The following METTL15 variants were observed in gnomAD, a reference collection of about 807,000 sequenced individuals.
The protein encoded by METTL15 is methyltransferase 15, mitochondrial 12S rRNA N4-cytidine, also known as 12S rRNA N(4)-cytidine methyltransferase METTL15.
A neutral mutation model predicts 38.3 loss-of-function variants in METTL15; 34 were observed. That is an observed-to-expected ratio of 0.89 (90% CI 0.68 to 1.18). The LOEUF (loss-of-function observed/expected upper bound fraction) is 1.18. METTL15 is among the 50% of genes most tolerant of loss of function. The pLI is 0.00. For synonymous variants in METTL15, 162 were observed against 170.9 expected, an observed-to-expected ratio of 0.95 and a Z score of 0.41; for missense variants, 438 against 498.4, an observed-to-expected ratio of 0.88 and a Z score of 1.15.
At chr11:28,444,271 C>T (rs575259526) in intron 6 of METTL15, among the ~76,000 whole-genome samples, 1 of 152,264 alleles carries the variant, frequency 6.6e-6, no homozygotes, top group East Asian at 1.9e-4. Context: ...TACATACTGT[C>T]AAGTTGCTTT....
chr11:28,235,076 T>G (rs1565189771), intron 4 of METTL15, among the ~76,000 whole-genome samples: 1 of 152,232 alleles, frequency 6.6e-6, no homozygotes, highest in Non-Finnish European at 1.5e-5. Context: ...CTTTCTCCAT[T>G]TCTTGTTTTT....
chr11:28,270,337 A>G (rs1476037094), intron 4 of METTL15, among the ~76,000 whole-genome samples: 1 of 152,208 alleles, frequency 6.6e-6, no homozygotes, highest in Non-Finnish European at 1.5e-5. Context: ...TCATCTAATT[A>G]ACATTACACA....
chr11:28,227,708 G>A (rs1853537637), intron 4 of METTL15, among the ~76,000 whole-genome samples: 2 of 151,804 alleles, frequency 1.3e-5, no homozygotes, highest in Admixed American at 6.6e-5. Flanking sequence ...TTTGAAACAG[G>A]GAACTGACAT....
At chr11:28,311,050 C>G (rs559141862) in intron 6 of METTL15, among the ~76,000 whole-genome samples, 1 of 147,352 alleles carries the variant, frequency 6.8e-6, no homozygotes, top group African/African-American at 2.5e-5. Flanking sequence ...CCATTATTTC[C>G]CAAGTTGGGC....
intron 6 of METTL15, among the ~76,000 whole-genome samples, chr11:28,297,851 T>C (rs1015565885): frequency 1.3e-5 from 2 of 152,106 alleles, no homozygotes; most frequent in Non-Finnish European, 1.5e-5. Context: ...GTGTAACTTA[T>C]AAATAGAACC....
At chr11:28,437,040 C>A (rs951322584) in intron 6 of METTL15, among the ~76,000 whole-genome samples, 1 of 152,128 alleles carries the variant, frequency 6.6e-6, no homozygotes, top group Non-Finnish European at 1.5e-5. Flanking sequence ...ATGCTTCCTG[C>A]CCTTGAACGT....
At chr11:28,176,402 A>G (rs1851075949) in intron 3 of METTL15, among the ~76,000 whole-genome samples, 1 of 152,178 alleles carries the variant, frequency 6.6e-6, no homozygotes, top group Non-Finnish European at 1.5e-5. Context: ...CTCTGGAACC[A>G]CAGTGTCTGA....
rs1362347123 is a variant in METTL15, at chr11:28,235,309, G to A, written c.407+24111G>A. On this transcript the variant is annotated intron_variant, in intron 4 of 6. Transcript: ENST00000407364. ...TGCGGGCTCTTTTTTGATTCCATAT[G>A]CACTTTAAAGTAGTTTTTTCCAATT... Among the ~76,000 whole-genome samples the A allele has an allele frequency of 1.3e-5, 2 of 152,036 alleles. 1 individual carries two copies. Among genetic ancestry groups the A allele is most frequent in the South Asian group, 4.1e-4 (2 of 4,820 alleles).
intron 6 of METTL15, chr11:28,328,179 C>A (rs779871595): frequency 6.2e-7 from 1 of 1,606,686 alleles, no homozygotes; most frequent in Admixed American, 1.7e-5. Context: ...AGAAGCTGGC[C>A]TTCCTTTTCA....
intron 3 of METTL15, among the ~76,000 whole-genome samples, chr11:28,191,310 C>G (rs924349628): frequency 1.3e-5 from 2 of 150,170 alleles, no homozygotes; most frequent in Non-Finnish European, 3.0e-5. Context: ...TTTCTTTCTC[C>G]TTGTTTTTAC....
intron 6 of METTL15, among the ~76,000 whole-genome samples, chr11:28,430,696 C>T (rs1207190618): frequency 7.9e-5 from 9 of 114,150 alleles, no homozygotes; most frequent in Non-Finnish European, 1.7e-4. Flanking sequence ...CCCCTCTGCC[C>T]GGCCAGCCGC....
intron 6 of METTL15, among the ~76,000 whole-genome samples, chr11:28,438,023 A>C (rs1047910646): frequency 1.3e-5 from 2 of 152,214 alleles, no homozygotes; most frequent in East Asian, 3.8e-4. Context: ...AAAATGAATC[A>C]TTGAATAGCT....
downstream of METTL15, among the ~76,000 whole-genome samples, chr11:28,338,224 T>C (rs1262450377): frequency 6.6e-6 from 1 of 152,078 alleles, no homozygotes; most frequent in African/African-American, 2.4e-5. Context: ...CCCTTGACTG[T>C]TTTTCTTACC....
At chr11:28,218,832 G>A (rs935751316) in intron 4 of METTL15, among the ~76,000 whole-genome samples, 27 of 152,100 alleles carry the variant, frequency 1.8e-4, no homozygotes, top group African/African-American at 4.6e-4. Context: ...GGTTTTTGTC[G>A]TTGGTTCTGT....
chr11:28,159,090 G>C (rs1294078062), intron 3 of METTL15, among the ~76,000 whole-genome samples: 2 of 152,084 alleles, frequency 1.3e-5, no homozygotes, highest in Non-Finnish European at 2.9e-5. Context: ...AGAGGTCTTA[G>C]TTCTAGAGGG....
intron 3 of METTL15, among the ~76,000 whole-genome samples, chr11:28,342,871 GTCGTTAGCCCTACTAACCAACATTTGA>G (rs1292903621): frequency 6.6e-6 from 1 of 152,066 alleles, no homozygotes; most frequent in African/African-American, 2.4e-5. Context: ...ACATATCTTT[GTCGTTAGCCCTACTAACCAACATTTGA>G]TAATGTGCTT....
intron 5 of METTL15, among the ~76,000 whole-genome samples, chr11:28,367,879 A>G (rs1376439449): frequency 6.6e-6 from 1 of 152,210 alleles, no homozygotes; most frequent in Non-Finnish European, 1.5e-5. Flanking sequence ...ATGTTGGGAA[A>G]ACTGGCTAGC....
At chr11:28,111,102 CAA>C (rs947841751) in intron 2 of METTL15, among the ~76,000 whole-genome samples, 6 of 152,094 alleles carry the variant, frequency 3.9e-5, no homozygotes, top group South Asian at 2.1e-4. Flanking sequence ...TTGCAGGAAA[CAA>C]GAGGCAAATG....
At chr11:28,405,731 ATG>A (rs1333242293) in intron 5 of METTL15, among the ~76,000 whole-genome samples, 2 of 152,176 alleles carry the variant, frequency 1.3e-5, no homozygotes, top group African/African-American at 4.8e-5. Context: ...TCTGCAGCAC[ATG>A]CTATGTAGAA....
Sources: gnomAD v4.1 joint callset for allele counts (sites outside exome capture counted in the v4.1 genomes callset) on GRCh38, gnomAD v4.1.1 for gene constraint, MANE v1.5 for transcripts, NCBI Gene and HGNC (gene_info 2026-07-23, HGNC 2026-07-21) for gene names.